HEATR1: variants seen among roughly 807,000 people sequenced by gnomAD.
HEATR1 encodes the protein HEAT repeat containing 1.
In HEATR1, 77 loss-of-function variants were observed where a neutral mutation model predicts 248.2. The ratio of observed to expected loss-of-function variants is 0.31; its 90% CI spans 0.26 to 0.37. The LOEUF (loss-of-function observed/expected upper bound fraction) is 0.37, where lower values mean the gene tolerates loss of function less well. HEATR1 is among the 10% of genes least tolerant of loss of function. HEATR1 has a pLI of 1.00. For synonymous variants in HEATR1, 897 were observed against 923.1 expected, an observed-to-expected ratio of 0.97 and a Z score of 0.51; for missense variants, 2,420 against 2,504.9, an observed-to-expected ratio of 0.97 and a Z score of 0.72.
intron 9 of HEATR1, among the ~76,000 whole-genome samples, chr1:236,593,293 C>A (rs1043079844): frequency 7.6e-5 from 11 of 145,414 alleles, no homozygotes; most frequent in Non-Finnish European, 1.6e-4. Flanking sequence ...CCTTCTGTGC[C>A]ACAGAGTGGG....
chr1:236,595,889 C>A lies in HEATR1; in HGVS notation c.900G>T (p.Gly300=), dbSNP rs1304371393. Residue 300 remains glycine (G), a synonymous_variant, in exon 7 of 45, where the codon GGG becomes GGT. Coordinates refer to ENST00000366582, the MANE Select transcript of HEATR1 (RefSeq NM_018072.6). ...GCAGGAGCACTATCAAGCAACTTAA[C>A]CCATCCTTGATCAAAGAGGGAATCT... ...LTKIPSLIKD[G]LSCLIVLLQR... is the part of the protein sequence containing the mutation. The A allele has an allele frequency of 1.9e-6, 3 of 1,614,064 alleles. No individual in the cohort carries two copies. Among genetic ancestry groups the A allele is most frequent in the Non-Finnish European group, 2.5e-6 (3 of 1,179,946 alleles).
At chr1:236,552,284 C>G in intron 43 of HEATR1, 177 bp from the exon 44 acceptor site, 1 of 491,580 alleles carries the variant, frequency 2.0e-6, no homozygotes, top group Non-Finnish European at 3.6e-6. Flanking sequence ...CATTTGGGAG[C>G]TGTTTGTAAT....
chr1:236,556,923 G>A (rs1212099123), intron 37 of HEATR1, among the ~76,000 whole-genome samples: 3 of 151,652 alleles, frequency 2.0e-5, no homozygotes, highest in African/African-American at 4.8e-5. Context: ...AGATCTCACA[G>A]AAGAAAAAAA....
chr1:236,595,211 A>G (rs1384143623), intron 8 of HEATR1, among the ~76,000 whole-genome samples: 1 of 151,652 alleles, frequency 6.6e-6, no homozygotes, highest in Non-Finnish European at 1.5e-5. Flanking sequence ...ACTAAAGTTC[A>G]TTAAATACCT....
intron 3 of HEATR1, among the ~76,000 whole-genome samples, chr1:236,601,255 T>TA (rs1664316635): frequency 9.4e-6 from 1 of 105,992 alleles, no homozygotes; most frequent in Admixed American, 8.8e-5. Flanking sequence ...CCATTTTTTG[T>TA]TTTTTTTTTT....
intron 32 of HEATR1, among the ~76,000 whole-genome samples, chr1:236,563,016 A>G (rs1663173501): frequency 6.6e-6 from 1 of 152,202 alleles, no homozygotes; most frequent in African/African-American, 2.4e-5. Context: ...GATAGTGTCT[A>G]CACTGATCTC....
chr1:236,591,266 C>T (rs1664030000), intron 11 of HEATR1, among the ~76,000 whole-genome samples: 1 of 151,970 alleles, frequency 6.6e-6, no homozygotes, highest in South Asian at 2.1e-4. Context: ...TAAGATAAAT[C>T]CCTGTTTTAG....
At chr1:236,574,066 A>T in intron 24 of HEATR1, 136 bp downstream of exon 24, 1 of 643,766 alleles carries the variant, frequency 1.6e-6, no homozygotes, top group Non-Finnish European at 2.5e-6. Flanking sequence ...TCTCTGACTT[A>T]CTTTTCCATG....
In HEATR1 at chr1:236,597,258, T is replaced by G. The variant is rs756639497; in HGVS notation, c.604-282A>C. Among the ~76,000 whole-genome samples the G allele has an allele frequency of 3.2e-4, 4 of 12,448 alleles. No homozygotes were observed. The South Asian group carries it at 5.6e-3, about 17-fold the overall frequency. The allele number at this position is 12,448 out of a possible 152,430, so 8.2% of individuals were successfully genotyped here. ...CTAACATTTTTATTTAAAAAAAAATTTTTTTTTTTTTTTTTTGAGATGGAG... is the reference window on the plus strand; with the variant it reads ...CTAACATTTTTATTTAAAAAAAAATGTTTTTTTTTTTTTTTTGAGATGGAG... On this transcript the variant is annotated intron_variant, in intron 5 of 44. Coordinates refer to ENST00000366582, the MANE Select transcript of HEATR1 (RefSeq NM_018072.6).
rs1347556768 is a variant in HEATR1, at chr1:236,571,229, C to T, written c.3948+122G>A. ...TATGAAGAGGCAGGGCTGAGAGTCTCACCAGTGCTGGAAGATTCCAAAGCC... is the reference window on the plus strand; with the variant it reads ...TATGAAGAGGCAGGGCTGAGAGTCTTACCAGTGCTGGAAGATTCCAAAGCC... On this transcript the variant is annotated intron_variant, in intron 28 of 44. Coordinates refer to ENST00000366582, the MANE Select transcript of HEATR1 (RefSeq NM_018072.6). 3.3e-6 allele frequency: 4 copies of T among 1,203,374 alleles called. No homozygotes were observed. In the East Asian group the frequency reaches 1.0e-4, roughly 32 times the overall value. The allele number at this position is 1,203,374 out of a possible 1,614,324, so 74.5% of individuals were successfully genotyped here.
chr1:236,551,842 G>A, intron 44 of HEATR1, 157 bp downstream of exon 44: 1 of 583,962 alleles, frequency 1.7e-6, no homozygotes, highest in Non-Finnish European at 3.0e-6. Flanking sequence ...AGGAGCTCGA[G>A]CCTGCCTGTA....
In HEATR1 at chr1:236,582,902, T is replaced by C. The variant is rs367940572; in HGVS notation, c.2426-30A>G. The C allele has an allele frequency of 7.9e-5, 127 of 1,612,158 alleles. No individual in the cohort carries two copies. In the East Asian group the frequency reaches 2.4e-3, roughly 30 times the overall value. ...AAGGACATGGAAAGAGAAATGATGC[T>C]AGATCCTACATGAACATGCTGGGAG... On this transcript the variant is annotated intron_variant, in intron 18 of 44. Coordinates refer to ENST00000366582, the MANE Select transcript of HEATR1 (RefSeq NM_018072.6).
At chr1:236,584,439 G>A (rs1222281334) in intron 17 of HEATR1, among the ~76,000 whole-genome samples, 1 of 152,100 alleles carries the variant, frequency 6.6e-6, no homozygotes, top group Non-Finnish European at 1.5e-5. Context: ...AATTCATTTA[G>A]TAAATCCTAT....
Position 236,556,229 on chromosome 1 carries a change from T to C in HEATR1, c.5385A>G (p.Glu1795=). ...TATTAGCCTGTGACGCAGAACCCAT[T>C]TCACTAGTGATTTTCTCCAGATGAA... ...QVIHLEKITS[E]MGSASQANIR... is the part of the protein sequence containing the mutation. Residue 1795 remains glutamate (E), a synonymous_variant, in exon 38 of 45, where the codon GAA becomes GAG. Transcript: ENST00000366582. 1 of 1,614,160 alleles carries C rather than the reference T, an allele frequency of 6.2e-7. No individual in the cohort carries two copies.
intron 33 of HEATR1, among the ~76,000 whole-genome samples, chr1:236,560,881 C>A (rs1036676064): frequency 6.6e-6 from 1 of 152,084 alleles, no homozygotes; most frequent in East Asian, 1.9e-4. Context: ...GAAACACATG[C>A]GGTGTAAAGG....
rs540180850 is a variant in HEATR1 at position 236,602,828 on chromosome 1, G to A, written c.359+332C>T. 109 of 206,312 alleles carry A rather than the reference G, an allele frequency of 5.3e-4. 2 individuals are homozygous for A. In the South Asian group the frequency reaches 8.8e-3, roughly 17 times the overall value. The allele number at this position is 206,312 out of a possible 1,614,324, so 12.8% of individuals were successfully genotyped here. A position where few individuals can be genotyped will look rare whatever the true frequency, so the allele number is the denominator to read the frequency against. On this transcript the variant is annotated intron_variant, in intron 3 of 44. Transcript: ENST00000366582. ...AATCCCAGCTACTTGGGAGGCTGAG[G>A]TGGGAGAATCACTTGAACCTGGGAG...
intron 12 of HEATR1, 139 bp from the exon 13 acceptor site, chr1:236,588,182 A>G (rs1663943976): frequency 1.9e-6 from 1 of 532,508 alleles, no homozygotes; most frequent in South Asian, 3.4e-5. Context: ...TGAGGACTGA[A>G]ACACACTAGA....
Position 236,550,559 on chromosome 1 carries a change from T to G in HEATR1, c.*343A>C. On this transcript the variant is annotated 3_prime_UTR_variant, in exon 45 of 45. Transcript: ENST00000366582. The stretch of plus-strand genomic sequence containing the variant: ...TACTGCTGTACAGAAGAGTTAAGGC[T>G]TACAGTGCAAATGAGGCGTCAGCTT... The G allele has an allele frequency of 4.6e-6, 1 of 219,286 alleles. No homozygotes were observed. Among genetic ancestry groups the G allele is most frequent in the Non-Finnish European group, 8.9e-6 (1 of 111,820 alleles). The allele number at this position is 219,286 out of a possible 1,614,324, so 13.6% of individuals were successfully genotyped here.
chr1:236,579,799 G>T (rs1663660281), intron 20 of HEATR1, among the ~76,000 whole-genome samples: 1 of 151,854 alleles, frequency 6.6e-6, no homozygotes, highest in Non-Finnish European at 1.5e-5. Context: ...ACAAAATTTG[G>T]TTACAAATGT....
Sources: allele counts gnomAD v4.1 joint callset (sites outside exome capture counted in the v4.1 genomes callset), GRCh38; gene constraint gnomAD v4.1.1; transcripts MANE v1.5; gene names NCBI Gene and HGNC (gene_info 2026-07-23, HGNC 2026-07-21).